Variants in TNC observed in about 807,000 individuals in gnomAD.
The protein encoded by TNC is tenascin C.
A neutral mutation model predicts 202.4 loss-of-function variants in TNC; 109 were observed. That is an observed-to-expected ratio of 0.54 (90% CI 0.46 to 0.63). The LOEUF is 0.63. Among genes scored for constraint, TNC ranks in the 30% least tolerant of loss-of-function variants. The pLI is 0.00. For missense variants in TNC, 2,756 were observed against 2,833.3 expected, an observed-to-expected ratio of 0.97 and a Z score of 0.62; for synonymous variants, 1,007 against 1,089.7, an observed-to-expected ratio of 0.92 and a Z score of 1.50.
At chr9:115,110,423 T>G (rs557013209) in intron 1 of TNC, among the ~76,000 whole-genome samples, 1 of 147,590 alleles carries the variant, frequency 6.8e-6, no homozygotes, top group South Asian at 2.1e-4. Context: ...GCTGGGTTGC[T>G]GGGGGCCAGT....
chr9:115,087,698 CTTTT>C (rs752435283), intron 2 of TNC, among the ~76,000 whole-genome samples: 3 of 119,728 alleles, frequency 2.5e-5, no homozygotes, highest in Non-Finnish European at 3.5e-5. Context: ...TCTTTCTTTT[CTTTT>C]TTTTTTTTTT....
Position 115,076,105 on chromosome 9 carries a change from A to G in TNC, c.2877T>C (p.Thr959=). ...KTTLTGLRPG[T]EYGIGVSAVK... ...CAGCAGAAACTCCAATCCCATATTC[A>G]GTTCCCGGCCTCAGACCTAAGGAGA... The change falls in exon 9 of 28, where the codon ACT becomes ACC. Residue 959 remains threonine, a synonymous_variant. Coordinates refer to ENST00000350763, the MANE Select transcript of TNC (RefSeq NM_002160.4). 1 of 1,614,114 alleles carries G rather than the reference A, an allele frequency of 6.2e-7. No homozygotes were observed. The highest frequency in any genetic ancestry group is 8.5e-7 in the Non-Finnish European group (1 of 1,179,990).
rs2132537238 is a variant in TNC, at chr9:115,060,525, T to C, written c.4034-523A>G. Among the ~76,000 whole-genome samples, 2 of 152,248 alleles carry C rather than the reference T, an allele frequency of 1.3e-5. 1 individual carries two copies. Among genetic ancestry groups the C allele is most frequent in the East Asian group, 3.8e-4 (2 of 5,202 alleles). ...TGATTAAATGGTAATATTTATCAACTTCTTAGTATCATACCTGATACATGG... is the reference window on the plus strand; with the variant it reads ...TGATTAAATGGTAATATTTATCAACCTCTTAGTATCATACCTGATACATGG... On this transcript the variant is annotated intron_variant, in intron 13 of 27. Coordinates refer to ENST00000350763, the MANE Select transcript of TNC (RefSeq NM_002160.4).
At chr9:115,105,224 C>T (rs1350756253) in intron 1 of TNC, among the ~76,000 whole-genome samples, 1 of 152,224 alleles carries the variant, frequency 6.6e-6, no homozygotes, top group African/African-American at 2.4e-5. Context: ...ACTAAGACTA[C>T]TCCCGTAATT....
intron 1 of TNC, among the ~76,000 whole-genome samples, chr9:115,109,302 T>A (rs1433214698): frequency 6.6e-6 from 1 of 152,340 alleles, no homozygotes; most frequent in East Asian, 1.9e-4. Flanking sequence ...ATGAACTACA[T>A]CATTTAATCA....
At chr9:115,094,676 G>A (rs1328507224) in intron 1 of TNC, among the ~76,000 whole-genome samples, 1 of 152,176 alleles carries the variant, frequency 6.6e-6, no homozygotes, top group Non-Finnish European at 1.5e-5. Context: ...TATCTTGTAG[G>A]AGGAAGGACT....
chr9:115,023,196 G>A (rs1347590513), intron 27 of TNC, among the ~76,000 whole-genome samples: 1 of 152,134 alleles, frequency 6.6e-6, no homozygotes, highest in Non-Finnish European at 1.5e-5. Context: ...CCAGGGATCA[G>A]CGTGGTGTGG....
At chr9:115,040,671 G>T (rs1332220276) in intron 19 of TNC, among the ~76,000 whole-genome samples, 1 of 152,074 alleles carries the variant, frequency 6.6e-6, no homozygotes, top group African/African-American at 2.4e-5. Context: ...TCCCAAACTT[G>T]GACTTTTTCT....
intron 10 of TNC, among the ~76,000 whole-genome samples, chr9:115,072,943 T>A (rs3789872): frequency 6.6e-6 from 1 of 151,772 alleles, no homozygotes; most frequent in East Asian, 1.9e-4. Flanking sequence ...AACCATGGCC[T>A]CAGGTTCAGT....
At chr9:115,048,578 CT>C (rs767155330) in intron 15 of TNC, 46 bp from the exon 16 acceptor site, 3 of 1,572,686 alleles carry the variant, frequency 1.9e-6, no homozygotes, top group South Asian at 2.3e-5. Context: ...GCAGCACTGA[CT>C]CTGTCAGGAT....
intron 25 of TNC, among the ~76,000 whole-genome samples, chr9:115,028,719 C>G (rs1829700875): frequency 6.6e-6 from 1 of 151,962 alleles, no homozygotes; most frequent in Non-Finnish European, 1.5e-5. Context: ...CCAGATATCT[C>G]CACAGATAGT....
rs758620264 is a variant in TNC at position 115,026,661 on chromosome 9, C to A, written c.6204G>T (p.Gly2068=). The A allele has an allele frequency of 6.2e-7, 1 of 1,613,896 alleles. No individual in the cohort carries two copies. The highest frequency in any genetic ancestry group is 1.1e-5 in the South Asian group (1 of 91,046). The change falls in exon 26 of 28, where the codon GGG becomes GGT. Residue 2068 remains glycine (G), a synonymous_variant. Coordinates refer to ENST00000350763, the MANE Select transcript of TNC (RefSeq NM_002160.4). ...GCAGGTCCACCCGGAGCTCGTACTG[C>A]CCCTGGGCTGTGATTTTGTTCAGGT... ...LDNLNKITAQ[G]QYELRVDLRD...
intron 1 of TNC, among the ~76,000 whole-genome samples, chr9:115,101,242 C>G (rs567559338): frequency 5.9e-5 from 9 of 152,218 alleles, no homozygotes; most frequent in Non-Finnish European, 1.3e-4. Context: ...GATGAAGTCT[C>G]GCTCTGTTGC....
intron 19 of TNC, among the ~76,000 whole-genome samples, chr9:115,039,609 G>A (rs886621306): frequency 1.3e-5 from 2 of 152,336 alleles, no homozygotes; most frequent in African/African-American, 4.8e-5. Flanking sequence ...AGCAGCCCTG[G>A]CGAGGGTGGA....
Position 115,073,639 on chromosome 9 carries a change from G to A in TNC, c.3178C>T (p.His1060Tyr). Residue 1060 changes from histidine to tyrosine, a missense_variant, in exon 10 of 28, where the codon CAC becomes TAC. Physicochemically the swap from His to Tyr is moderately conservative, Grantham distance 83. Coordinates refer to ENST00000350763, the MANE Select transcript of TNC (RefSeq NM_002160.4). The stretch of plus-strand genomic sequence containing the variant: ...TTCACACGTGCGGGCTTGCTCTTGT[G>A]TCTGCCTTTCTCGGCTGTCAGGAGG... The part of the protein sequence containing the change: ...NVLLTAEKGR[H>Y]KSKPARVKAS... 1 of 1,614,162 alleles carries A rather than the reference G, an allele frequency of 6.2e-7. No individual in the cohort carries two copies. Among genetic ancestry groups the A allele is most frequent in the Non-Finnish European group, 8.5e-7 (1 of 1,180,020 alleles).
intron 17 of TNC, 78 bp from the exon 18 acceptor site, chr9:115,042,419 A>G: frequency 6.4e-7 from 1 of 1,568,842 alleles, no homozygotes. Flanking sequence ...TGAATTCCTT[A>G]TTTAGGAAAA....
intron 27 of TNC, among the ~76,000 whole-genome samples, chr9:115,021,501 A>G (rs565747281): frequency 2.6e-5 from 4 of 152,192 alleles, no homozygotes; most frequent in African/African-American, 9.7e-5. Context: ...CACCTGAGTC[A>G]AGAGTCGCCT....
intron 8 of TNC, 134 bp from the exon 9 acceptor site, chr9:115,076,255 A>C (rs1833843268): frequency 7.2e-7 from 1 of 1,397,684 alleles, no homozygotes; most frequent in African/African-American, 1.4e-5. Flanking sequence ...AACTCACTGC[A>C]ATCCAATAAG....
intron 1 of TNC, among the ~76,000 whole-genome samples, chr9:115,114,470 C>T (rs1184103483): frequency 6.6e-6 from 1 of 152,228 alleles, no homozygotes; most frequent in Admixed American, 6.5e-5. Flanking sequence ...CTGACTGCTA[C>T]CTCTAGTTTC....
Sources: gnomAD v4.1 joint callset for allele counts (sites outside exome capture counted in the v4.1 genomes callset) on GRCh38, gnomAD v4.1.1 for gene constraint, MANE v1.5 for transcripts, NCBI Gene and HGNC (gene_info 2026-07-23, HGNC 2026-07-21) for gene names.